The following FGF5 variants were observed in gnomAD, a reference collection of about 807,000 sequenced individuals.
The protein encoded by FGF5 is fibroblast growth factor 5.
In FGF5, 23 loss-of-function variants were observed where a neutral mutation model predicts 21.8. The ratio of observed to expected loss-of-function variants is 1.05; its 90% CI spans 0.76 to 1.49. The LOEUF is 1.49. FGF5 is among the 40% of genes most tolerant of loss of function. The pLI, the probability that FGF5 is intolerant of heterozygous loss-of-function variation, is 0.00. For missense variants in FGF5, 352 were observed against 332.9 expected (o/e 1.06, Z -0.45); for synonymous variants, 158 against 124.0 (o/e 1.27, Z -1.82).
chr4:80,286,445 A>G lies in FGF5; in HGVS notation c.580A>G (p.Lys194Glu). 6.2e-7 allele frequency: 1 copy of G among 1,614,066 alleles called. No individual in the cohort carries two copies. Among genetic ancestry groups the G allele is most frequent in the Non-Finnish European group, 8.5e-7 (1 of 1,179,990 alleles). Residue 194 changes from lysine to glutamate, a missense_variant, in exon 3 of 3, where the codon AAA becomes GAA. Physicochemically the swap from Lys to Glu is moderately conservative, Grantham distance 56 (BLOSUM62 1). Transcript: ENST00000312465. Reference sequence around the variant, plus strand: ...GCGGGAGTGGTATGTGGCCCTGAATAAAAGAGGAAAAGCCAAACGAGGGTG... The same window carrying G: ...GCGGGAGTGGTATGTGGCCCTGAATGAAAGAGGAAAAGCCAAACGAGGGTG... ...TGREWYVALN[K>E]RGKAKRGCSP...
intron 1 of FGF5, among the ~76,000 whole-genome samples, chr4:80,271,882 A>G (rs141022263): frequency 5.3e-5 from 8 of 152,360 alleles, no homozygotes; most frequent in African/African-American, 1.9e-4. Flanking sequence ...TTTAAGGCAC[A>G]TGGGTTTAAA....
intron 2 of FGF5, among the ~76,000 whole-genome samples, chr4:80,276,391 G>A (rs1720411146): frequency 6.6e-6 from 1 of 152,000 alleles, no homozygotes; most frequent in Non-Finnish European, 1.5e-5. Context: ...ACTCTAGCAA[G>A]ATGTAGTATA....
In FGF5 at chr4:80,288,823, T is replaced by C. The variant is rs1290268342; in HGVS notation, c.*2151T>C. ...CATTAAACTCAAATGTAATAGTTTA[T>C]CTTATACTCCTGGTTTGATTTGATT... On this transcript the variant is annotated 3_prime_UTR_variant, in exon 3 of 3. Transcript: ENST00000312465. 6.6e-6 allele frequency: 1 copy of C among 152,608 alleles called. No homozygotes were observed. The highest frequency in any genetic ancestry group is 1.5e-5 in the Non-Finnish European group (1 of 68,018). The allele number at this position is 152,608 out of a possible 1,614,324, so 9.5% of individuals were successfully genotyped here.
intron 2 of FGF5, among the ~76,000 whole-genome samples, chr4:80,277,950 T>C (rs1471018499): frequency 6.6e-6 from 1 of 152,100 alleles, no homozygotes; most frequent in Non-Finnish European, 1.5e-5. Flanking sequence ...AAAAGCCCTT[T>C]TGCTCACATT....
intron 2 of FGF5, 129 bp from the exon 3 acceptor site, chr4:80,286,195 TA>T: frequency 1.7e-6 from 1 of 603,912 alleles, no homozygotes; most frequent in South Asian, 3.4e-5. Context: ...CATGTCTTTA[TA>T]AAAAGGAATT....
chr4:80,267,322 G>A (rs879242525), intron 1 of FGF5, 143 bp downstream of exon 1: 2 of 676,668 alleles, frequency 3.0e-6, no homozygotes, highest in African/African-American at 1.8e-5. Context: ...ACAGCCGGGC[G>A]GGTTGGGTGG....
chr4:80,287,259 T>C lies in FGF5; in HGVS notation c.*587T>C, dbSNP rs1243282979. 1 of 152,198 alleles carries C rather than the reference T, an allele frequency of 6.6e-6. No homozygotes were observed. The highest frequency in any genetic ancestry group is 2.4e-5 in the African/African-American group (1 of 41,460). The allele number at this position is 152,198 out of a possible 1,614,324, so 9.4% of individuals were successfully genotyped here. ...ATTTTTCCTATTCACTGCACTTTTT[T>C]ATTGTTTTTATTTCTAGCCATACCT... is the stretch of plus-strand genomic sequence containing the variant. On this transcript the variant is annotated 3_prime_UTR_variant, in exon 3 of 3. Transcript: ENST00000312465.
intron 2 of FGF5, among the ~76,000 whole-genome samples, chr4:80,283,622 G>A (rs530379981): frequency 2.0e-5 from 3 of 152,080 alleles, no homozygotes; most frequent in South Asian, 2.1e-4. Flanking sequence ...GCACTGTTGG[G>A]GGAAAATATT....
In FGF5 at chr4:80,289,825, A is replaced by G. The variant is rs565232020; in HGVS notation, c.*3153A>G. 3.3e-5 allele frequency: 5 copies of G among 152,284 alleles called. No homozygotes were observed. In the South Asian group the frequency reaches 8.3e-4, roughly 25 times the overall value. 9.4% of individuals were successfully genotyped at this position (152,284 alleles called of 1,614,324 possible). A position where few individuals can be genotyped will look rare whatever the true frequency, so the allele number is the denominator to read the frequency against. On this transcript the variant is annotated 3_prime_UTR_variant, in exon 3 of 3. Coordinates refer to ENST00000312465, the MANE Select transcript of FGF5 (RefSeq NM_004464.4). ...TGTGACAATAATAAGGGATACTGAC[A>G]GAAGTTATTTCCAAGTTTGTGTATA...
At chr4:80,271,668 C>T (rs35728898) in intron 1 of FGF5, among the ~76,000 whole-genome samples, 7,445 of 152,260 alleles carry the variant, frequency 0.049, 354 homozygotes, top group African/African-American at 0.12. Flanking sequence ...ATTTAGCAAA[C>T]AGTCATTGAC....
chr4:80,280,806 C>T (rs992390006), intron 2 of FGF5, among the ~76,000 whole-genome samples: 1 of 152,056 alleles, frequency 6.6e-6, no homozygotes, highest in Non-Finnish European at 1.5e-5. Context: ...GTCCTTACTT[C>T]AAGGGTATCA....
In FGF5 at chr4:80,290,215, T is replaced by C. The variant is rs916378247; in HGVS notation, c.*3543T>C. On this transcript the variant is annotated 3_prime_UTR_variant, in exon 3 of 3. Transcript: ENST00000312465. ...AGACAATAACTTCTTAAAGGAATTC[T>C]ACACCTCCTTTAAGATTTACTTAAT... 4.6e-5 allele frequency: 7 copies of C among 152,214 alleles called. No individual in the cohort carries two copies. In the East Asian group the frequency reaches 1.2e-3, roughly 25 times the overall value. The allele number at this position is 152,214 out of a possible 1,614,324, so 9.4% of individuals were successfully genotyped here.
intron 2 of FGF5, among the ~76,000 whole-genome samples, chr4:80,283,375 A>G (rs28687592): frequency 0.014 from 2,066 of 152,254 alleles, 50 homozygotes; most frequent in African/African-American, 0.048. Flanking sequence ...GAACTTTAGA[A>G]TATGAATCTC....
intron 2 of FGF5, among the ~76,000 whole-genome samples, chr4:80,277,832 G>A (rs760513553): frequency 2.0e-5 from 3 of 152,016 alleles, no homozygotes; most frequent in Non-Finnish European, 2.9e-5. Flanking sequence ...CCACTGTACT[G>A]AGAAATATTC....
chr4:80,281,197 C>T (rs919884993), intron 2 of FGF5, among the ~76,000 whole-genome samples: 1 of 152,022 alleles, frequency 6.6e-6, no homozygotes, highest in Non-Finnish European at 1.5e-5. Context: ...TGGGTGCTTG[C>T]TATCCTGTAC....
intron 2 of FGF5, among the ~76,000 whole-genome samples, chr4:80,280,443 T>G (rs898625153): frequency 1.3e-5 from 2 of 152,228 alleles, no homozygotes; most frequent in African/African-American, 4.8e-5. Context: ...CATCAATATT[T>G]TAACAGGAAA....
intron 2 of FGF5, among the ~76,000 whole-genome samples, chr4:80,276,260 TAATA>T (rs1168726687): frequency 6.6e-6 from 1 of 151,960 alleles, no homozygotes; most frequent in Non-Finnish European, 1.5e-5. Context: ...AATCTAAATA[TAATA>T]AATTACTAAA....
chr4:80,276,031 C>T (rs926827237), intron 2 of FGF5, among the ~76,000 whole-genome samples: 15 of 151,872 alleles, frequency 9.9e-5, no homozygotes, highest in African/African-American at 3.1e-4. Flanking sequence ...TCAATGAGAA[C>T]GCCACTTGGT....
At position 80,287,531 on chromosome 4, in the gene FGF5, T is replaced by C. The variant is rs1201040673; in HGVS notation, c.*859T>C. 6.6e-6 allele frequency: 1 copy of C among 152,184 alleles called. No homozygotes were observed. Among genetic ancestry groups the C allele is most frequent in the Non-Finnish European group, 1.5e-5 (1 of 68,022 alleles). The allele number at this position is 152,184 out of a possible 1,614,324, so 9.4% of individuals were successfully genotyped here. A position where few individuals can be genotyped will look rare whatever the true frequency, so the allele number is the denominator to read the frequency against. ...AAGTACACTAAGTTTGCAACATTTATTGAGATCTAAGTCTGTCTTGCCTTC... is the reference window on the plus strand; with the variant it reads ...AAGTACACTAAGTTTGCAACATTTACTGAGATCTAAGTCTGTCTTGCCTTC... On this transcript the variant is annotated 3_prime_UTR_variant, in exon 3 of 3. Coordinates refer to ENST00000312465, the MANE Select transcript of FGF5 (RefSeq NM_004464.4).
Sources: gnomAD v4.1 joint callset for allele counts (sites outside exome capture counted in the v4.1 genomes callset) on GRCh38, gnomAD v4.1.1 for gene constraint, MANE v1.5 for transcripts, NCBI Gene and HGNC (gene_info 2026-07-23, HGNC 2026-07-21) for gene names.